TUSC3: variants seen among roughly 807,000 people sequenced by gnomAD.
TUSC3 encodes the protein dolichyl-diphosphooligosaccharide--protein glycosyltransferase subunit TUSC3.
A neutral mutation model predicts 44.8 loss-of-function variants in TUSC3; 45 were observed. The ratio of observed to expected loss-of-function variants is 1.00; its 90% CI spans 0.79 to 1.29. TUSC3 has a LOEUF of 1.29. Among genes scored for constraint, TUSC3 ranks in the 50% most tolerant of loss-of-function variants. TUSC3 has a pLI of 0.00. For missense variants in TUSC3, 519 were observed against 437.9 expected (o/e 1.19, Z -1.65); for synonymous variants, 212 against 152.9 (o/e 1.39, Z -2.85).
At chr8:15,609,425 G>A (rs533847484) in intron 1 of TUSC3, among the ~76,000 whole-genome samples, 50 of 152,276 alleles carry the variant, frequency 3.3e-4, no homozygotes, top group African/African-American at 1.2e-3. Context: ...GCTGGAAGTA[G>A]ATTTTCTTCT....
chr8:15,746,256 A>C (rs968066293), intron 8 of TUSC3, among the ~76,000 whole-genome samples: 1 of 151,560 alleles, frequency 6.6e-6, no homozygotes, highest in Admixed American at 6.6e-5. Flanking sequence ...ACCGTTTTCA[A>C]CTCCTCTCTT....
chr8:15,650,624 G>A, intron 2 of TUSC3, 73 bp from the exon 3 acceptor site: 2 of 1,303,350 alleles, frequency 1.5e-6, no homozygotes, highest in Non-Finnish European at 2.2e-6. Context: ...TCCTAGGGTT[G>A]TCTGTTTTAA....
intron 1 of TUSC3, among the ~76,000 whole-genome samples, chr8:15,429,897 C>G (rs892825408): frequency 6.6e-6 from 1 of 151,624 alleles, no homozygotes; most frequent in African/African-American, 2.4e-5. Flanking sequence ...TGGATAAATT[C>G]CTGGACACAT....
chr8:15,458,353 C>T (rs919331351), intron 1 of TUSC3, among the ~76,000 whole-genome samples: 1 of 152,116 alleles, frequency 6.6e-6, no homozygotes, highest in Non-Finnish European at 1.5e-5. Flanking sequence ...ATCCTCCCAC[C>T]TCAGTCTCCC....
chr8:15,795,287 C>G, the TUSC3 span, among the ~76,000 whole-genome samples: 2 of 152,122 alleles, frequency 1.3e-5, no homozygotes, highest in East Asian at 1.9e-4. Flanking sequence ...GGCTTGCAAG[C>G]AGAAAATGTA....
At chr8:15,772,778 G>A in the TUSC3 span, among the ~76,000 whole-genome samples, 1 of 152,226 alleles carries the variant, frequency 6.6e-6, no homozygotes, top group East Asian at 1.9e-4. Context: ...CAATCCAGCA[G>A]GATACTAAAA....
chr8:15,480,917 C>T (rs1318962867), intron 1 of TUSC3, among the ~76,000 whole-genome samples: 1 of 152,074 alleles, frequency 6.6e-6, no homozygotes, highest in African/African-American at 2.4e-5. Flanking sequence ...CCCCAAATAG[C>T]ATGGATTGGA....
At chr8:15,534,026 G>C (rs1029599979) in intron 2 of TUSC3, among the ~76,000 whole-genome samples, 4 of 152,240 alleles carry the variant, frequency 2.6e-5, no homozygotes, top group African/African-American at 9.6e-5. Flanking sequence ...GGAAACTTTA[G>C]AATGGCAGTG....
intron 1 of TUSC3, among the ~76,000 whole-genome samples, chr8:15,462,442 G>T (rs1800358469): frequency 1.3e-5 from 2 of 151,998 alleles, no homozygotes; most frequent in South Asian, 4.1e-4. Flanking sequence ...ATAGACTAAA[G>T]GAATTGCCCA....
At chr8:15,436,814 G>A (rs944704820) in intron 1 of TUSC3, among the ~76,000 whole-genome samples, 5 of 152,104 alleles carry the variant, frequency 3.3e-5, no homozygotes, top group African/African-American at 1.2e-4. Context: ...AAATACAGAG[G>A]TTAACTCATA....
At chr8:15,693,957 A>G (rs1203519739) in intron 6 of TUSC3, among the ~76,000 whole-genome samples, 1 of 151,988 alleles carries the variant, frequency 6.6e-6, no homozygotes, top group African/African-American at 2.4e-5. Flanking sequence ...GTATTCTGAA[A>G]TTCTCTGAGT....
chr8:15,441,744 T>C (rs905696377), intron 1 of TUSC3, among the ~76,000 whole-genome samples: 8 of 151,820 alleles, frequency 5.3e-5, no homozygotes, highest in African/African-American at 1.7e-4. Flanking sequence ...GGGGTATGTA[T>C]TGAAGCAGTG....
chr8:15,568,674 C>G (rs1055277215), intron 1 of TUSC3, among the ~76,000 whole-genome samples: 1 of 149,558 alleles, frequency 6.7e-6, no homozygotes, highest in Non-Finnish European at 1.5e-5. Context: ...ATAATCTTAG[C>G]GCACTGCAAC....
intron 3 of TUSC3, among the ~76,000 whole-genome samples, chr8:15,651,778 A>G (rs1806916772): frequency 6.6e-6 from 1 of 152,180 alleles, no homozygotes; most frequent in African/African-American, 2.4e-5. Context: ...TAATAAGCTT[A>G]TTTACCCAGT....
In TUSC3 at chr8:15,419,976, T is replaced by A. The variant is rs79688157; in HGVS notation, n.91+2671T>A. Among the ~76,000 whole-genome samples, 1,316 of 152,220 alleles carry A rather than the reference T, an allele frequency of 8.6e-3. 23 individuals are homozygous for A. The highest frequency in any genetic ancestry group is 0.03 in the African/African-American group (1,248 of 41,532). On this transcript the variant is annotated intron_variant and non_coding_transcript_variant, in intron 1 of 5. Coordinates refer to the TUSC3 transcript ENST00000503191. ...ATTGAAATCAGTGAGTAAAGGACAATATATTTCAATGAATTCATTCATTGA... is the reference window on the plus strand; with the variant it reads ...ATTGAAATCAGTGAGTAAAGGACAAAATATTTCAATGAATTCATTCATTGA...
intron 1 of TUSC3, among the ~76,000 whole-genome samples, chr8:15,421,512 C>T (rs1204248719): frequency 2.6e-5 from 4 of 152,172 alleles, no homozygotes; most frequent in South Asian, 2.1e-4. Context: ...AGTCTAGTCC[C>T]CTTTGCCCCA....
At chr8:15,662,403 C>G (rs1807463711) in intron 5 of TUSC3, 107 bp downstream of exon 5, 2 of 1,478,404 alleles carry the variant, frequency 1.4e-6, no homozygotes, top group African/African-American at 1.4e-5. Flanking sequence ...GAACTTAAGT[C>G]TGAATGAGAA....
At chr8:15,443,482 G>A (rs76242365) in intron 1 of TUSC3, among the ~76,000 whole-genome samples, 1 of 151,942 alleles carries the variant, frequency 6.6e-6, no homozygotes, top group African/African-American at 2.4e-5. Context: ...TACAAGAGTG[G>A]TGAAACCACC....
At position 15,620,506 on chromosome 8, in the gene TUSC3, A is replaced by G. The variant is rs186666293; in HGVS notation, c.139-2574A>G. On this transcript the variant is annotated intron_variant, in intron 1 of 10. Transcript: ENST00000503731. ...AATCTGTAGCACAGTGGTTCTCAAT[A>G]TTTAGAAAAATGACGTATATATATT... is the stretch of plus-strand genomic sequence containing the variant. Among the ~76,000 whole-genome samples the G allele has an allele frequency of 1.7e-3, 257 of 152,294 alleles. 1 individual carries two copies. The highest frequency in any genetic ancestry group is 2.9e-3 in the Non-Finnish European group (195 of 68,014).
Sources: allele counts gnomAD v4.1 joint callset (sites outside exome capture counted in the v4.1 genomes callset), GRCh38; gene constraint gnomAD v4.1.1; transcripts MANE v1.5; gene names NCBI Gene and HGNC (gene_info 2026-07-23, HGNC 2026-07-21).